MPZ: variants seen among roughly 807,000 people sequenced by gnomAD.
The protein encoded by MPZ is myelin protein P0.
A neutral mutation model predicts 27.9 loss-of-function variants in MPZ; 13 were observed. That is an observed-to-expected ratio of 0.47 (90% CI 0.30 to 0.74). The LOEUF (loss-of-function observed/expected upper bound fraction) is 0.74. Among genes scored for constraint, MPZ ranks in the 30% least tolerant of loss-of-function variants. The pLI is 0.06. For missense variants in MPZ, 256 were observed against 317.5 expected (o/e 0.81, Z 1.47); for synonymous variants, 118 against 128.9 (o/e 0.92, Z 0.57).
In MPZ at chr1:161,305,156, G is replaced by T. The variant is rs1670199600; in HGVS notation, c.*720C>A. ...ACGTCATTGGTCCTCAGTCATGGGTGTAAGGGCAGAGGATGAGCACAGGTA... is the reference window on the plus strand; with the variant it reads ...ACGTCATTGGTCCTCAGTCATGGGTTTAAGGGCAGAGGATGAGCACAGGTA... On this transcript the variant is annotated 3_prime_UTR_variant, in exon 6 of 6. Coordinates refer to ENST00000533357, the MANE Select transcript of MPZ (RefSeq NM_000530.8). The T allele has an allele frequency of 6.5e-6, 1 of 153,014 alleles. No homozygotes were observed. Among genetic ancestry groups the T allele is most frequent in the South Asian group, 2.0e-4 (1 of 4,896 alleles). The allele number at this position is 153,014 out of a possible 1,614,324, so 9.5% of individuals were successfully genotyped here.
Position 161,307,243 on chromosome 1 carries a change from C to A in MPZ, c.234+15G>T. The A allele has an allele frequency of 6.2e-7, 1 of 1,614,128 alleles. No individual in the cohort carries two copies. The highest frequency in any genetic ancestry group is 8.5e-7 in the Non-Finnish European group (1 of 1,179,996). ...CTTTCTGTTATCCAACCCCAGGATTCCCCCAGGCACTCACCGAAATGGCAT... is the reference window on the plus strand; with the variant it reads ...CTTTCTGTTATCCAACCCCAGGATTACCCCAGGCACTCACCGAAATGGCAT... On this transcript the variant is annotated intron_variant, in intron 2 of 5. Coordinates refer to ENST00000533357, the MANE Select transcript of MPZ (RefSeq NM_000530.8).
Position 161,305,912 on chromosome 1 carries a change from G to T in MPZ, c.711C>A (p.Ala237=). The T allele has an allele frequency of 6.2e-7, 1 of 1,613,476 alleles. No homozygotes were observed. Among genetic ancestry groups the T allele is most frequent in the Non-Finnish European group, 8.5e-7 (1 of 1,179,750 alleles). Residue 237 remains alanine (A), a synonymous_variant, in exon 6 of 6, where the codon GCC becomes GCA. Coordinates refer to ENST00000533357, the MANE Select transcript of MPZ (RefSeq NM_000530.8). ...CCTTGCGAGACTCCCCCAGCCCCTTGGCCTTCTTCTCACTGACAGCTTTGG... is the reference window on the plus strand; with the variant it reads ...CCTTGCGAGACTCCCCCAGCCCCTTTGCCTTCTTCTCACTGACAGCTTTGG... The part of the protein sequence containing the change: ...RSTKAVSEKK[A]KGLGESRKDK...
rs1408017779 is a variant in MPZ, at chr1:161,305,626, G to T, written c.*250C>A. ...GCAAAGAGGGAAAGCACCTAGACGG[G>T]GGTAAGAGGAGCCTAGGTCCCCCTG... On this transcript the variant is annotated 3_prime_UTR_variant, in exon 6 of 6. Transcript: ENST00000533357. 3 of 553,930 alleles carry T rather than the reference G, an allele frequency of 5.4e-6. No homozygotes were observed. Among genetic ancestry groups the T allele is most frequent in the Non-Finnish European group, 9.6e-6 (3 of 313,034 alleles). 34.3% of individuals were successfully genotyped at this position (553,930 alleles called of 1,614,324 possible).
At position 161,307,282 on chromosome 1, in the gene MPZ, G is replaced by A. The variant is rs545129173; in HGVS notation, c.210C>T (p.Pro70=). Residue 70 remains proline (P), a synonymous_variant, in exon 2 of 6, where the codon CCC becomes CCT. Transcript: ENST00000533357. ...CCGAAATGGCATCTCTGCCCCCTTCGGGCTGGTAGCGCCAGGTGAAGGAGA... is the reference window on the plus strand; with the variant it reads ...CCGAAATGGCATCTCTGCCCCCTTCAGGCTGGTAGCGCCAGGTGAAGGAGA... ...DDISFTWRYQ[P]EGGRDAISIF... 2.2e-5 allele frequency: 36 copies of A among 1,614,228 alleles called. No homozygotes were observed. Among genetic ancestry groups the A allele is most frequent in the South Asian group, 2.0e-4 (18 of 91,076 alleles).
Position 161,305,946 on chromosome 1 carries a change from C to T in MPZ, c.677G>A (p.Ser226Asn), listed in dbSNP as rs766301690. ...CTCACTGACAGCTTTGGTGCTTCTG[C>T]TGTGGTCCAGCATTGCATACAGCAC... ...TPVLYAMLDH[S>N]RSTKAVSEKK... is the part of the protein sequence containing the mutation. Residue 226 changes from serine to asparagine, a missense_variant, in exon 6 of 6, where the codon AGC becomes AAC. Coordinates refer to ENST00000533357, the MANE Select transcript of MPZ (RefSeq NM_000530.8). 6.8e-6 allele frequency: 11 copies of T among 1,613,936 alleles called. No homozygotes were observed. The Admixed American group carries it at 1.7e-4, about 24-fold the overall frequency.
chr1:161,307,014 CAAAAAAAAAA>C (rs34621933), intron 2 of MPZ, 93 bp from the exon 3 acceptor site: 4,529 of 232,448 alleles, frequency 0.019, 56 homozygotes, highest in Middle Eastern at 0.036. Flanking sequence ...AAGAAAAAAG[CAAAAAAAAAA>C]AAAAAAAAAA....
At chr1:161,303,949 T>C (rs1452487600), downstream of MPZ, among the ~76,000 whole-genome samples, 1 of 152,200 alleles carries the variant, frequency 6.6e-6, no homozygotes, top group Middle Eastern at 3.2e-3. Flanking sequence ...TATCTTTAGC[T>C]TCTTAACAAG....
At chr1:161,303,869 TA>T (rs1001362325), downstream of MPZ, among the ~76,000 whole-genome samples, 4 of 152,242 alleles carry the variant, frequency 2.6e-5, 1 homozygote, top group Admixed American at 2.0e-4. Context: ...TGATTTTTTT[TA>T]AAAGACATTG....
intron 1 of MPZ, among the ~76,000 whole-genome samples, chr1:161,309,548 A>ATTTTTTTTTTTTTTT (rs1482171465): frequency 2.7e-5 from 2 of 73,272 alleles, no homozygotes; most frequent in South Asian, 4.5e-4. Context: ...ATATATATAT[A>ATTTTTTTTTTTTTTT]TATATTTTTT....
chr1:161,307,322 C>G lies in MPZ; in HGVS notation c.170G>C (p.Trp57Ser). ...TLHCSFWSSE[W>S]VSDDISFTWR... is the part of the protein sequence containing the mutation. ...GGTGAAGGAGATGTCATCTGAGACC[C>G]ACTCACTGGACCAGAAGGAGCAGTG... Residue 57 changes from tryptophan (W) to serine (S), a missense_variant, in exon 2 of 6, where the codon TGG becomes TCG. Physicochemically the swap from Trp to Ser is radical, Grantham distance 177 (BLOSUM62 -3). Transcript: ENST00000533357. The G allele has an allele frequency of 6.2e-7, 1 of 1,614,280 alleles. No individual in the cohort carries two copies. Among genetic ancestry groups the G allele is most frequent in the Non-Finnish European group, 8.5e-7 (1 of 1,180,046 alleles).
At chr1:161,308,679 T>G (rs1371251923) in intron 1 of MPZ, among the ~76,000 whole-genome samples, 2 of 152,192 alleles carry the variant, frequency 1.3e-5, no homozygotes, top group African/African-American at 4.8e-5. Flanking sequence ...GATAATTCAC[T>G]GGCTCTAACT....
At chr1:161,306,197 G>A in intron 4 of MPZ, 29 bp from the exon 5 acceptor site, 1 of 1,613,802 alleles carries the variant, frequency 6.2e-7, no homozygotes. Context: ...CTGTACGTTT[G>A]GCCTCGCCGG....
At chr1:161,306,509 T>C (rs1405220965) in intron 3 of MPZ, 45 bp from the exon 4 acceptor site, 18 of 1,613,266 alleles carry the variant, frequency 1.1e-5, no homozygotes, top group Non-Finnish European at 1.3e-5. Context: ...CAGGGCCCTG[T>C]ATCTGTGGTT....
At chr1:161,309,552 A>ATATATATTTTTTTTTTTTTTTTTTTT in intron 1 of MPZ, among the ~76,000 whole-genome samples, 2 of 80,640 alleles carry the variant, frequency 2.5e-5, no homozygotes, top group East Asian at 2.5e-4. Context: ...ATATATATAT[A>ATATATATTTTTTTTTTTTTTTTTTTT]TTTTTTTTTT....
rs1670208790 is a variant in MPZ at position 161,305,445 on chromosome 1, AAC to A, written c.*429_*430del. 2.1e-5 allele frequency: 4 copies of A among 192,004 alleles called. No homozygotes were observed. In the South Asian group the frequency reaches 3.5e-4, roughly 17 times the overall value. 11.9% of individuals were successfully genotyped at this position (192,004 alleles called of 1,614,324 possible). On this transcript the variant is annotated 3_prime_UTR_variant, in exon 6 of 6. Transcript: ENST00000533357. The stretch of plus-strand genomic sequence containing the variant: ...TCAGTGCTCAGGTGGACAGGCACCA[AAC>A]ACACAGCCCCCGGGGCAGGTGAGGG...
At chr1:161,307,038 AGC>A in intron 2 of MPZ, 117 bp from the exon 3 acceptor site, 9 of 863,580 alleles carry the variant, frequency 1.0e-5, no homozygotes, top group South Asian at 8.0e-5. Context: ...AAAAAAAAAA[AGC>A]TTCGCTCCAG....
rs202225246 is a variant in MPZ, at chr1:161,309,550, A to ATT, written c.67+288_67+289insAA. The stretch of plus-strand genomic sequence containing the variant: ...TTTTTCTTTTCATATATATATATAT[A>ATT]TATTTTTTTTTTTTTTGAATTTTAC... On this transcript the variant is annotated intron_variant, in intron 1 of 5. Coordinates refer to ENST00000533357, the MANE Select transcript of MPZ (RefSeq NM_000530.8). Among the ~76,000 whole-genome samples, 19 of 82,438 alleles carry ATT rather than the reference A, an allele frequency of 2.3e-4. No homozygotes were observed. The South Asian group carries it at 2.6e-3, about 11-fold the overall frequency. The allele number at this position is 82,438 out of a possible 152,430, so 54.1% of individuals were successfully genotyped here.
Position 161,305,842 on chromosome 1 carries a change from C to G in MPZ, c.*34G>C. The G allele has an allele frequency of 6.6e-7, 1 of 1,526,212 alleles. No homozygotes were observed. Among genetic ancestry groups the G allele is most frequent in the Non-Finnish European group, 9.0e-7 (1 of 1,106,038 alleles). The allele number at this position is 1,526,212 out of a possible 1,614,324, so 94.5% of individuals were successfully genotyped here. On this transcript the variant is annotated 3_prime_UTR_variant, in exon 6 of 6. Coordinates refer to ENST00000533357, the MANE Select transcript of MPZ (RefSeq NM_000530.8). ...TTTGGGCCTTTGGCGGACTCCACCC[C>G]TAACCCCCGATCCCCCGCCCGGCCC...
At chr1:161,309,254 A>C (rs112319050) in intron 1 of MPZ, among the ~76,000 whole-genome samples, 6 of 152,204 alleles carry the variant, frequency 3.9e-5, no homozygotes, top group Non-Finnish European at 8.8e-5. Context: ...CTCCTTACTT[A>C]GATCGCACTC....
Sources: allele counts gnomAD v4.1 joint callset (sites outside exome capture counted in the v4.1 genomes callset), GRCh38; gene constraint gnomAD v4.1.1; transcripts MANE v1.5; gene names NCBI Gene and HGNC (gene_info 2026-07-23, HGNC 2026-07-21).